Variants in ANKRD30B observed in about 807,000 individuals in gnomAD.
ANKRD30B encodes the protein ankyrin repeat domain-containing protein 30B.
A neutral mutation model predicts 202.2 loss-of-function variants in ANKRD30B; 144 were observed. The observed-to-expected ratio is 0.71, with a 90% CI of 0.62 to 0.82. ANKRD30B has a LOEUF of 0.82. Among genes scored for constraint, ANKRD30B ranks in the 40% least tolerant of loss-of-function variants. The pLI is 0.00. For missense variants in ANKRD30B, 1,487 were observed against 1,669.1 expected (o/e 0.89, Z 1.90); for synonymous variants, 508 against 561.3 (o/e 0.91, Z 1.34).
chr18:14,791,474 T>G lies in ANKRD30B; in HGVS notation c.1808T>G (p.Leu603Ter). The change falls in exon 16 of 44, where the codon TTA (leucine) becomes TGA (stop). Residue 603 changes from leucine to a stop codon, truncating the protein, a stop_gained. Transcript: ENST00000690538. LOFTEE classifies it high-confidence loss of function. ...ACACATCAAAAAGAATTCGATACCT[T>G]AAGTGGAAAATTAGAAGGTAAGAAC... The part of the protein sequence containing the change: ...KATHQKEFDT[L>*]SGKLEESPVK... The G allele has an allele frequency of 6.2e-7, 1 of 1,609,068 alleles. No homozygotes were observed. Among genetic ancestry groups the G allele is most frequent in the Non-Finnish European group, 8.5e-7 (1 of 1,178,194 alleles).
At chr18:14,852,830 A>G (rs1971946094) in intron 42 of ANKRD30B, 1 of 153,230 alleles carries the variant, frequency 6.5e-6, no homozygotes, top group Non-Finnish European at 1.5e-5. Flanking sequence ...GTTAATTCTA[A>G]ATTTTCCAGA....
intron 39 of ANKRD30B, among the ~76,000 whole-genome samples, chr18:14,844,211 A>G (rs559304471): frequency 7.9e-4 from 121 of 152,374 alleles, no homozygotes; most frequent in Middle Eastern, 3.4e-3. Context: ...CAAAAAACAA[A>G]TATATGAAAA....
In ANKRD30B at chr18:14,844,544, A is replaced by T. The variant is rs548640580; in HGVS notation, c.3181+1448A>T. Among the ~76,000 whole-genome samples the T allele has an allele frequency of 8.5e-5, 13 of 152,320 alleles. No individual in the cohort carries two copies. The South Asian group carries it at 2.5e-3, about 29-fold the overall frequency. The stretch of plus-strand genomic sequence containing the variant: ...TTGTAAATAGTGCCACAATAAACAT[A>T]TGTGTGCGTGTGTCTTTATAGTAGC... On this transcript the variant is annotated intron_variant, in intron 39 of 43. Transcript: ENST00000690538.
the ANKRD30B span, among the ~76,000 whole-genome samples, chr18:14,886,997 T>C: frequency 1.3e-5 from 2 of 152,150 alleles, no homozygotes; most frequent in South Asian, 4.1e-4. Flanking sequence ...TGACCTAGCC[T>C]TTTCATATAA....
intron 37 of ANKRD30B, 55 bp downstream of exon 37, chr18:14,840,733 A>C: frequency 1.0e-6 from 1 of 986,244 alleles, no homozygotes; most frequent in Non-Finnish European, 1.5e-6. Context: ...GTCTCAAAGC[A>C]TGAGGACTGA....
chr18:14,751,202 A>G (rs1435611971), intron 1 of ANKRD30B, among the ~76,000 whole-genome samples: 4 of 152,062 alleles, frequency 2.6e-5, no homozygotes, highest in African/African-American at 9.6e-5. Context: ...ATAACTATAG[A>G]TTAATCATTT....
intron 10 of ANKRD30B, among the ~76,000 whole-genome samples, chr18:14,779,674 T>C (rs1245213780): frequency 6.6e-6 from 1 of 152,194 alleles, no homozygotes; most frequent in African/African-American, 2.4e-5. Context: ...AGACATAGTG[T>C]GTTTCATGGG....
intron 9 of ANKRD30B, among the ~76,000 whole-genome samples, chr18:14,774,958 T>C (rs1461948374): frequency 6.6e-6 from 1 of 151,914 alleles, no homozygotes; most frequent in Non-Finnish European, 1.5e-5. Flanking sequence ...AAACCCCATC[T>C]CTACTAAAAA....
Position 14,799,405 on chromosome 18 carries a change from A to G in ANKRD30B, c.2131+110A>G. 3 of 1,072,654 alleles carry G rather than the reference A, an allele frequency of 2.8e-6. No homozygotes were observed. The South Asian group carries it at 5.8e-5, about 21-fold the overall frequency. 66.4% of individuals were successfully genotyped at this position (1,072,654 alleles called of 1,614,324 possible). ...GTTTTCTTTTCAAAATTGGATGGGA[A>G]AATTTGATAAAATAATGGCAACATT... On this transcript the variant is annotated intron_variant, in intron 22 of 43. Transcript: ENST00000690538.
intron 35 of ANKRD30B, 137 bp from the exon 36 acceptor site, chr18:14,837,478 G>A (rs1384134235): frequency 5.8e-6 from 5 of 863,582 alleles, no homozygotes; most frequent in Middle Eastern, 3.7e-4. Flanking sequence ...TTCTGAACCT[G>A]CTTCAATTCT....
chr18:14,788,669 T>C (rs576020222), intron 15 of ANKRD30B, among the ~76,000 whole-genome samples: 22 of 152,092 alleles, frequency 1.4e-4, no homozygotes, highest in Non-Finnish European at 2.1e-4. Flanking sequence ...GTTGCAATAG[T>C]TTACTGAGAA....
At chr18:14,891,596 A>G in the ANKRD30B span, among the ~76,000 whole-genome samples, 2 of 150,296 alleles carry the variant, frequency 1.3e-5, no homozygotes, top group Non-Finnish European at 3.0e-5. Context: ...AAAACCTAAT[A>G]GAAACAGCAA....
chr18:14,797,879 A>C (rs770184724), intron 20 of ANKRD30B, 25 bp downstream of exon 20: 14 of 1,522,092 alleles, frequency 9.2e-6, no homozygotes, highest in South Asian at 7.4e-5. Flanking sequence ...TTAAATTTTA[A>C]TCTGGAATTA....
chr18:14,911,751 C>T, the ANKRD30B span, among the ~76,000 whole-genome samples: 11 of 152,220 alleles, frequency 7.2e-5, no homozygotes, highest in South Asian at 1.5e-3. Flanking sequence ...TCTTCCAATC[C>T]ATGAGCATGG....
In ANKRD30B at chr18:14,822,676, A is replaced by C; in HGVS notation, c.2742A>C (p.Ala914=). ...TGAAGGACAGAGAAACATTCAAAGC[A>C]GGTAAATTTTGTAATTTTAATTTTA... is the stretch of plus-strand genomic sequence containing the variant. ...LELKDRETFK[A]EDVSSVESTF... The change falls in exon 32 of 44, where the codon GCA becomes GCC. Residue 914 remains alanine, a splice_region_variant and synonymous_variant. Coordinates refer to ENST00000690538, the MANE Select transcript of ANKRD30B (RefSeq NM_001367607.2). The C allele has an allele frequency of 5.1e-6, 7 of 1,380,688 alleles. No homozygotes were observed. Among genetic ancestry groups the C allele is most frequent in the Non-Finnish European group, 6.8e-6 (7 of 1,026,080 alleles). 85.5% of individuals were successfully genotyped at this position (1,380,688 alleles called of 1,614,324 possible). A position where few individuals can be genotyped will look rare whatever the true frequency, so the allele number is the denominator to read the frequency against.
chr18:14,902,142 C>T, the ANKRD30B span, among the ~76,000 whole-genome samples: 16 of 151,976 alleles, frequency 1.1e-4, no homozygotes, highest in African/African-American at 3.1e-4. Flanking sequence ...TGGAGGAAAC[C>T]GCTCCCATGA....
In ANKRD30B at chr18:14,752,906, T is replaced by C. The variant is rs1284284367; in HGVS notation, c.404T>C (p.Val135Ala). 6 of 1,606,018 alleles carry C rather than the reference T, an allele frequency of 3.7e-6. No homozygotes were observed. The highest frequency in any genetic ancestry group is 2.7e-5 in the African/African-American group (2 of 74,368). Reference sequence around the variant, plus strand: ...GATGCTGGTGCTGATCTAAATTATGTAGATGTGTATGGCAACACGGCTCTC... The same window carrying C: ...GATGCTGGTGCTGATCTAAATTATGCAGATGTGTATGGCAACACGGCTCTC... Reference protein sequence around the residue: ...LIDAGADLNYVDVYGNTALHY... With the variant: ...LIDAGADLNYADVYGNTALHY... Residue 135 changes from valine (V) to alanine (A), a missense_variant, in exon 3 of 44, where the codon GTA becomes GCA. Coordinates refer to ENST00000690538, the MANE Select transcript of ANKRD30B (RefSeq NM_001367607.2).
At chr18:14,924,537 C>T in the ANKRD30B span, among the ~76,000 whole-genome samples, 1 of 152,158 alleles carries the variant, frequency 6.6e-6, no homozygotes, top group Non-Finnish European at 1.5e-5. Flanking sequence ...GGGGGACTGT[C>T]ATGAGGAACT....
the ANKRD30B span, among the ~76,000 whole-genome samples, chr18:14,923,811 C>G: frequency 6.6e-6 from 1 of 152,234 alleles, no homozygotes; most frequent in African/African-American, 2.4e-5. Context: ...TTCTTCCAAA[C>G]AGTCTCTCTC....
Sources: allele counts gnomAD v4.1 joint callset (sites outside exome capture counted in the v4.1 genomes callset), GRCh38; gene constraint gnomAD v4.1.1; transcripts MANE v1.5; gene names NCBI Gene and HGNC (gene_info 2026-07-23, HGNC 2026-07-21).